Variants in SYT1 observed in about 807,000 individuals in gnomAD.
SYT1 encodes synaptotagmin-1.
Under a neutral mutation model 44.8 loss-of-function variants are expected in SYT1, and 8 were observed. The observed-to-expected ratio is 0.18, with a 90% CI of 0.10 to 0.32. The LOEUF is 0.32. Among genes scored for constraint, SYT1 ranks in the 10% least tolerant of loss-of-function variants. The probability of loss-of-function intolerance (pLI) is 1.00; values close to 1 mark genes in which losing one functional copy is unlikely to be tolerated. For synonymous variants in SYT1, 154 were observed against 188.8 expected (o/e 0.82, Z 1.51); for missense variants, 286 against 509.3 (o/e 0.56, Z 4.22).
intron 3 of SYT1, among the ~76,000 whole-genome samples, chr12:79,123,827 A>G (rs1410918468): frequency 1.3e-5 from 2 of 152,146 alleles, no homozygotes; most frequent in Non-Finnish European, 2.9e-5. Flanking sequence ...TCTTTATTTC[A>G]TTGACCAGTA....
At position 78,946,385 on chromosome 12, in the gene SYT1, T is replaced by C. The variant is rs201114100; in HGVS notation, c.-216-31414T>C. ...AGCTTGTATTTATGGCTGGGCACAG[T>C]GGCTCACACCTCTAATCCCAGCACT... On this transcript the variant is annotated intron_variant, in intron 1 of 10. Coordinates refer to ENST00000261205, the MANE Select transcript of SYT1 (RefSeq NM_005639.3). 3.9e-5 allele frequency among the ~76,000 whole-genome samples: 6 copies of C among 152,290 alleles called. No individual in the cohort carries two copies. The East Asian group carries it at 1.2e-3, about 29-fold the overall frequency.
chr12:79,067,367 T>C (rs1401692693), intron 3 of SYT1, among the ~76,000 whole-genome samples: 1 of 152,164 alleles, frequency 6.6e-6, no homozygotes, highest in Admixed American at 6.6e-5. Flanking sequence ...GTCATGGAAC[T>C]GTGGAATTGG....
chr12:78,950,740 T>A (rs1382436995), intron 1 of SYT1, among the ~76,000 whole-genome samples: 1 of 152,150 alleles, frequency 6.6e-6, no homozygotes, highest in African/African-American at 2.4e-5. Context: ...GCTTTTTTAA[T>A]CAGATGGTTT....
chr12:79,072,036 A>AATGACATAT (rs1242433836), intron 3 of SYT1, among the ~76,000 whole-genome samples: 1 of 152,160 alleles, frequency 6.6e-6, no homozygotes, highest in Non-Finnish European at 1.5e-5. Context: ...CAGAGAATAA[A>AATGACATAT]ATGACATATT....
rs570754116 is a variant in SYT1 at position 79,383,602 on chromosome 12, T to C, written c.928+29983T>C. Among the ~76,000 whole-genome samples the C allele has an allele frequency of 5.9e-5, 9 of 152,334 alleles. No individual in the cohort carries two copies. In the East Asian group the frequency reaches 1.5e-3, roughly 26 times the overall value. The stretch of plus-strand genomic sequence containing the variant: ...CTACCCTTTATGTCCATTTTGTTGT[T>C]GTCCCTTGCAGAATTTACAGTATTA... On this transcript the variant is annotated intron_variant, in intron 9 of 10. Transcript: ENST00000261205.
At chr12:79,368,902 A>C (rs886555380) in intron 9 of SYT1, among the ~76,000 whole-genome samples, 1 of 152,190 alleles carries the variant, frequency 6.6e-6, no homozygotes, top group African/African-American at 2.4e-5. Flanking sequence ...CTTTAGTTTA[A>C]TTAGATCCCA....
At chr12:79,395,950 T>C (rs1465491654) in intron 9 of SYT1, among the ~76,000 whole-genome samples, 3 of 152,230 alleles carry the variant, frequency 2.0e-5, no homozygotes, top group Admixed American at 6.5e-5. Context: ...AAGATAGCCA[T>C]TGACTATTTT....
At chr12:79,125,015 G>C (rs759003143) in intron 3 of SYT1, among the ~76,000 whole-genome samples, 1 of 151,986 alleles carries the variant, frequency 6.6e-6, no homozygotes, top group Non-Finnish European at 1.5e-5. Context: ...TGCTCTTGTG[G>C]GTTTTGTTTG....
At chr12:78,905,281 G>A (rs1469055688) in intron 1 of SYT1, among the ~76,000 whole-genome samples, 1 of 152,254 alleles carries the variant, frequency 6.6e-6, no homozygotes, top group East Asian at 1.9e-4. Flanking sequence ...CGCGGGGGGC[G>A]GGAACTGACT....
chr12:78,969,325 A>G (rs1868321519), intron 1 of SYT1, among the ~76,000 whole-genome samples: 1 of 152,234 alleles, frequency 6.6e-6, no homozygotes, highest in Non-Finnish European at 1.5e-5. Flanking sequence ...TGAATAAGAT[A>G]AAGGTACAAT....
intron 3 of SYT1, among the ~76,000 whole-genome samples, chr12:79,054,663 A>T (rs1874798414): frequency 6.6e-6 from 1 of 151,912 alleles, no homozygotes; most frequent in Non-Finnish European, 1.5e-5. Context: ...CTGTATACAT[A>T]GTTCCAGGTG....
chr12:78,998,320 C>T (rs1168037815), intron 2 of SYT1, among the ~76,000 whole-genome samples: 1 of 152,120 alleles, frequency 6.6e-6, no homozygotes, highest in Non-Finnish European at 1.5e-5. Flanking sequence ...TGACATGAAA[C>T]AAATTTCATT....
chr12:79,414,975 C>G (rs1868642654), intron 9 of SYT1, among the ~76,000 whole-genome samples: 1 of 152,140 alleles, frequency 6.6e-6, no homozygotes, highest in African/African-American at 2.4e-5. Flanking sequence ...ACAGAAAACA[C>G]AGGTACTTGT....
At chr12:78,973,921 AAAAAAAAAAAAAAAAAAATATATATAT>A (rs1868562224) in intron 1 of SYT1, among the ~76,000 whole-genome samples, 1 of 19,724 alleles carries the variant, frequency 5.1e-5, no homozygotes, top group African/African-American at 2.6e-4. Context: ...AACACCAAAA[AAAAAAAAAAAAAAAAAAATATATATAT>A]ATATATATAT....
At chr12:78,886,606 C>T (rs1263550602) in intron 1 of SYT1, among the ~76,000 whole-genome samples, 1 of 151,910 alleles carries the variant, frequency 6.6e-6, no homozygotes, top group Non-Finnish European at 1.5e-5. Context: ...AGTACATACT[C>T]CTGATGTTTT....
intron 9 of SYT1, among the ~76,000 whole-genome samples, chr12:79,366,373 T>C (rs1158714847): frequency 2.0e-5 from 3 of 152,250 alleles, no homozygotes; most frequent in Non-Finnish European, 4.4e-5. Flanking sequence ...TTTTAATAAC[T>C]CCATTAAAAT....
chr12:78,879,385 C>T (rs763513662), intron 1 of SYT1, among the ~76,000 whole-genome samples: 4 of 151,718 alleles, frequency 2.6e-5, no homozygotes, highest in East Asian at 1.9e-4. Context: ...AAATCATTCC[C>T]GTCTTACTAG....
chr12:79,292,439 C>T (rs1268568952), intron 6 of SYT1, among the ~76,000 whole-genome samples: 1 of 152,232 alleles, frequency 6.6e-6, no homozygotes, highest in Non-Finnish European at 1.5e-5. Context: ...CTCACCTTCT[C>T]AGCTTCCTCA....
intron 3 of SYT1, among the ~76,000 whole-genome samples, chr12:79,136,557 A>G (rs1363710567): frequency 6.6e-6 from 1 of 152,136 alleles, no homozygotes; most frequent in Admixed American, 6.5e-5. Context: ...CTATTATACT[A>G]TTTTCTGTAG....
Sources: gnomAD v4.1 joint callset for allele counts (sites outside exome capture counted in the v4.1 genomes callset) on GRCh38, gnomAD v4.1.1 for gene constraint, MANE v1.5 for transcripts, NCBI Gene and HGNC (gene_info 2026-07-23, HGNC 2026-07-21) for gene names.